Variants in RNF217 observed in about 807,000 individuals in gnomAD.
RNF217 encodes the protein ring finger protein 217.
Under a neutral mutation model 57.8 loss-of-function variants are expected in RNF217, and 31 were observed. The ratio of observed to expected loss-of-function variants is 0.54; its 90% CI spans 0.40 to 0.72. RNF217 has a LOEUF of 0.72. Among genes scored for constraint, RNF217 ranks in the 30% least tolerant of loss-of-function variants. The probability of loss-of-function intolerance (pLI) is 0.00; values close to 1 mark genes in which losing one functional copy is unlikely to be tolerated. For missense variants in RNF217, 696 were observed against 708.3 expected (o/e 0.98, Z 0.20); for synonymous variants, 313 against 294.0 (o/e 1.06, Z -0.66).
chr6:125,013,409 C>G (rs754975390), intron 1 of RNF217, among the ~76,000 whole-genome samples: 1 of 147,914 alleles, frequency 6.8e-6, no homozygotes, highest in East Asian at 2.0e-4. Flanking sequence ...AGAGCATGGT[C>G]GTGGAACGGT....
At chr6:125,074,689 A>G (rs970619715) in intron 3 of RNF217, among the ~76,000 whole-genome samples, 87 of 152,096 alleles carry the variant, frequency 5.7e-4, no homozygotes, top group African/African-American at 2.0e-3. Flanking sequence ...TCCCACCTCC[A>G]TAATCATTGA....
chr6:125,052,191 A>G (rs1454855574), intron 2 of RNF217, among the ~76,000 whole-genome samples: 1 of 152,006 alleles, frequency 6.6e-6, no homozygotes, highest in Non-Finnish European at 1.5e-5. Context: ...ATTGTGTTGC[A>G]TATGTAAAAG....
At chr6:124,985,354 G>C (rs566191192) in intron 1 of RNF217, among the ~76,000 whole-genome samples, 1 of 152,214 alleles carries the variant, frequency 6.6e-6, no homozygotes. Context: ...GGTTATATGA[G>C]ATGTTTTCAT....
At chr6:125,017,365 A>C (rs759268315) in intron 1 of RNF217, among the ~76,000 whole-genome samples, 1 of 152,214 alleles carries the variant, frequency 6.6e-6, no homozygotes, top group Non-Finnish European at 1.5e-5. Context: ...GTCCTAAGCA[A>C]GGTTTTTGAA....
At chr6:125,059,409 C>T (rs1787645415) in intron 3 of RNF217, among the ~76,000 whole-genome samples, 1 of 152,120 alleles carries the variant, frequency 6.6e-6, no homozygotes, top group Non-Finnish European at 1.5e-5. Context: ...CCCCCTTTCT[C>T]TTGCCTTTTT....
intron 1 of RNF217, among the ~76,000 whole-genome samples, chr6:124,994,797 A>G (rs1198136207): frequency 6.6e-6 from 1 of 152,166 alleles, no homozygotes; most frequent in Admixed American, 6.6e-5. Context: ...ATTATACTTG[A>G]AAAACTGTAC....
At chr6:125,029,001 A>C (rs1160539508) in intron 1 of RNF217, among the ~76,000 whole-genome samples, 1 of 152,190 alleles carries the variant, frequency 6.6e-6, no homozygotes, top group Non-Finnish European at 1.5e-5. Context: ...AAAATCAAGA[A>C]GTTTTAACTG....
At chr6:124,976,942 G>A (rs1783987186) in intron 1 of RNF217, among the ~76,000 whole-genome samples, 1 of 152,212 alleles carries the variant, frequency 6.6e-6, no homozygotes, top group African/African-American at 2.4e-5. Context: ...GGAATGCTAA[G>A]CAGGAAAACC....
chr6:125,045,686 A>G (rs139198726), intron 2 of RNF217, among the ~76,000 whole-genome samples: 2 of 152,216 alleles, frequency 1.3e-5, no homozygotes, highest in Admixed American at 1.3e-4. Flanking sequence ...TAGTAACCTT[A>G]TAGGAAGGCT....
At chr6:125,020,278 G>C (rs1057013041) in intron 1 of RNF217, among the ~76,000 whole-genome samples, 5 of 152,174 alleles carry the variant, frequency 3.3e-5, no homozygotes, top group African/African-American at 1.2e-4. Context: ...TGTTCCCTAA[G>C]ATGCCAAGAC....
chr6:125,000,731 T>C (rs1351658938), intron 1 of RNF217, among the ~76,000 whole-genome samples: 1 of 151,948 alleles, frequency 6.6e-6, no homozygotes, highest in African/African-American at 2.4e-5. Context: ...TTTAAGGAAG[T>C]TTTCCATATT....
chr6:124,965,839 C>T (rs993855032), intron 1 of RNF217, among the ~76,000 whole-genome samples: 1 of 152,138 alleles, frequency 6.6e-6, no homozygotes, highest in African/African-American at 2.4e-5. Context: ...TTTATTTTCT[C>T]CATAGCACTA....
intron 2 of RNF217, among the ~76,000 whole-genome samples, chr6:125,053,698 C>T (rs1022174318): frequency 1.3e-5 from 2 of 151,942 alleles, no homozygotes; most frequent in South Asian, 2.1e-4. Flanking sequence ...GGTGAGTCGG[C>T]GTACTTTCAT....
intron 1 of RNF217, among the ~76,000 whole-genome samples, chr6:124,988,566 CG>C (rs1218586436): frequency 1.5e-4 from 23 of 152,270 alleles, no homozygotes; most frequent in African/African-American, 5.5e-4. Context: ...TAACCACAAC[CG>C]TTAAAAACCC....
At chr6:125,010,528 G>A (rs1785377241) in intron 1 of RNF217, among the ~76,000 whole-genome samples, 2 of 152,226 alleles carry the variant, frequency 1.3e-5, no homozygotes, top group South Asian at 4.2e-4. Flanking sequence ...TTCTTCTGAT[G>A]CAAACAGTTT....
chr6:125,045,533 T>A, intron 2 of RNF217, 89 bp downstream of exon 2: 1 of 903,398 alleles, frequency 1.1e-6, no homozygotes, highest in Non-Finnish European at 1.7e-6. Flanking sequence ...TAAGGGGGCA[T>A]CTTTCCTTTA....
chr6:125,071,154 G>T (rs1210570464), intron 3 of RNF217, among the ~76,000 whole-genome samples: 1 of 152,070 alleles, frequency 6.6e-6, no homozygotes, highest in African/African-American at 2.4e-5. Flanking sequence ...TCATGCAGAT[G>T]GTTCCCAAGT....
intron 1 of RNF217, among the ~76,000 whole-genome samples, chr6:124,964,480 C>A (rs958220709): frequency 1.3e-5 from 2 of 152,138 alleles, no homozygotes; most frequent in Non-Finnish European, 2.9e-5. Flanking sequence ...GAGTCCCTTG[C>A]CCATCATAGT....
At chr6:125,056,655 C>T (rs925538164) in intron 2 of RNF217, among the ~76,000 whole-genome samples, 3 of 152,134 alleles carry the variant, frequency 2.0e-5, no homozygotes, top group Admixed American at 6.6e-5. Flanking sequence ...AAAGGAAATT[C>T]TAACTAACCT....
Sources: gnomAD v4.1 joint callset for allele counts (sites outside exome capture counted in the v4.1 genomes callset) on GRCh38, gnomAD v4.1.1 for gene constraint, MANE v1.5 for transcripts, NCBI Gene and HGNC (gene_info 2026-07-23, HGNC 2026-07-21) for gene names.